The following ADAMTS19 variants were observed in gnomAD, a reference collection of about 807,000 sequenced individuals.
ADAMTS19 encodes A disintegrin and metalloproteinase with thrombospondin motifs 19.
ADAMTS19 carries 93 observed loss-of-function variants against 153.3 expected under a neutral mutation model. The ratio of observed to expected loss-of-function variants is 0.61; its 90% CI spans 0.51 to 0.72. The LOEUF (loss-of-function observed/expected upper bound fraction) is 0.72, where lower values mean the gene tolerates loss of function less well. Among genes scored for constraint, ADAMTS19 ranks in the 30% least tolerant of loss-of-function variants. The probability of loss-of-function intolerance (pLI) is 0.00; values close to 1 mark genes in which losing one functional copy is unlikely to be tolerated. For synonymous variants in ADAMTS19, 600 were observed against 556.6 expected, an observed-to-expected ratio of 1.08 and a Z score of -1.10; for missense variants, 1,482 against 1,552.1, an observed-to-expected ratio of 0.95 and a Z score of 0.76.
intron 7 of ADAMTS19, among the ~76,000 whole-genome samples, chr5:129,564,767 A>G (rs1371030399): frequency 1.3e-5 from 2 of 152,168 alleles, no homozygotes; most frequent in African/African-American, 4.8e-5. Flanking sequence ...TTGGTCCTTC[A>G]AGGAGGTAAT....
intron 18 of ADAMTS19, 37 bp from the exon 19 acceptor site, chr5:129,694,683 T>A: frequency 6.7e-7 from 1 of 1,484,420 alleles, no homozygotes; most frequent in East Asian, 2.5e-5. Flanking sequence ...ACATAAAGGC[T>A]TATAATAATA....
intron 7 of ADAMTS19, among the ~76,000 whole-genome samples, chr5:129,591,355 C>T (rs1191310212): frequency 6.6e-6 from 1 of 150,972 alleles, no homozygotes; most frequent in African/African-American, 2.4e-5. Context: ...TGCAGTGGCA[C>T]AATCTCGGCT....
At chr5:129,662,887 CATT>C (rs1192983497) in intron 15 of ADAMTS19, among the ~76,000 whole-genome samples, 6 of 125,420 alleles carry the variant, frequency 4.8e-5, no homozygotes, top group African/African-American at 1.8e-4. Flanking sequence ...GATTCTTCTT[CATT>C]TTTTTTTTTT....
intron 10 of ADAMTS19, among the ~76,000 whole-genome samples, chr5:129,626,371 C>T (rs17673487): frequency 0.081 from 12,274 of 152,128 alleles, 595 homozygotes; most frequent in Middle Eastern, 0.15. Flanking sequence ...AAACTATTTG[C>T]TCTATTTATA....
At chr5:129,493,880 C>T (rs1750846915) in intron 2 of ADAMTS19, among the ~76,000 whole-genome samples, 1 of 151,738 alleles carries the variant, frequency 6.6e-6, no homozygotes, top group Admixed American at 6.6e-5. Context: ...TTTATGACAA[C>T]CAAGATGGAA....
chr5:129,736,984 G>T, intron 22 of ADAMTS19, 83 bp from the exon 23 acceptor site: 1 of 1,322,326 alleles, frequency 7.6e-7, no homozygotes, highest in South Asian at 2.2e-5. Context: ...TACAAAATCC[G>T]CCCCACTTAA....
chr5:129,603,199 A>G (rs1750744290), intron 8 of ADAMTS19, among the ~76,000 whole-genome samples: 2 of 152,204 alleles, frequency 1.3e-5, no homozygotes, highest in South Asian at 2.1e-4. Context: ...GCCCTGCCAC[A>G]TAACAGATGT....
chr5:129,600,476 T>C (rs1750593981), intron 8 of ADAMTS19, among the ~76,000 whole-genome samples: 1 of 152,200 alleles, frequency 6.6e-6, no homozygotes, highest in South Asian at 2.1e-4. Context: ...TATAATCACA[T>C]ATAAAATGTT....
intron 3 of ADAMTS19, among the ~76,000 whole-genome samples, chr5:129,521,816 C>T (rs1372559853): frequency 6.6e-6 from 1 of 152,054 alleles, no homozygotes; most frequent in Non-Finnish European, 1.5e-5. Flanking sequence ...GGGTGCATAG[C>T]CACACATCTA....
chr5:129,617,531 G>C (rs1456358230), intron 8 of ADAMTS19, among the ~76,000 whole-genome samples: 1 of 151,994 alleles, frequency 6.6e-6, no homozygotes, highest in Non-Finnish European at 1.5e-5. Context: ...AAAAATAATA[G>C]CATTTGTGTA....
chr5:129,694,776 G>A lies in ADAMTS19; in HGVS notation c.2875G>A (p.Val959Met). 3.7e-6 allele frequency: 6 copies of A among 1,610,452 alleles called. No individual in the cohort carries two copies. The highest frequency in any genetic ancestry group is 5.1e-6 in the Non-Finnish European group (6 of 1,178,094). Residue 959 changes from valine to methionine, a missense_variant, in exon 19 of 23, where the codon GTG becomes ATG. By Grantham distance (21) the Val-to-Met change is conservative (BLOSUM62 1). This residue lies in a region of ADAMTS19 where 616 missense variants were observed against 724.4 expected (regional missense o/e 0.85). Coordinates refer to ENST00000274487, the MANE Select transcript of ADAMTS19 (RefSeq NM_133638.6). ...TKIMSKNISI[V>M]DNEKCKYLTK... ...AATCATGAGCAAAAATATCAGCATT[G>A]TGGACAATGAGAAATGCAAATACTT... is the stretch of plus-strand genomic sequence containing the variant.
chr5:129,637,288 T>G (rs1752572501), intron 10 of ADAMTS19, among the ~76,000 whole-genome samples: 1 of 152,200 alleles, frequency 6.6e-6, no homozygotes, highest in African/African-American at 2.4e-5. Flanking sequence ...TTTAAGTTAT[T>G]AATGTGCCGA....
At chr5:129,541,709 T>G (rs1250804422) in intron 6 of ADAMTS19, among the ~76,000 whole-genome samples, 1 of 152,088 alleles carries the variant, frequency 6.6e-6, no homozygotes, top group African/African-American at 2.4e-5. Flanking sequence ...TATTTATCTC[T>G]GTTGTGTCCT....
At chr5:129,511,382 A>T (rs1393618586) in intron 3 of ADAMTS19, among the ~76,000 whole-genome samples, 2 of 151,846 alleles carry the variant, frequency 1.3e-5, no homozygotes, top group Non-Finnish European at 2.9e-5. Flanking sequence ...TTAGAGTCAG[A>T]GGCCTCAGGT....
chr5:129,690,434 C>G (rs1385318512), intron 18 of ADAMTS19, among the ~76,000 whole-genome samples: 1 of 152,110 alleles, frequency 6.6e-6, no homozygotes, highest in Non-Finnish European at 1.5e-5. Context: ...TTTAACTTGA[C>G]AGCTATGTGA....
intron 8 of ADAMTS19, among the ~76,000 whole-genome samples, chr5:129,598,095 T>G: frequency 6.6e-6 from 1 of 152,098 alleles, no homozygotes; most frequent in East Asian, 1.9e-4. Context: ...GTTAAAGACA[T>G]ATTTAGTTTG....
intron 3 of ADAMTS19, among the ~76,000 whole-genome samples, chr5:129,519,123 C>T (rs549065633): frequency 6.6e-5 from 10 of 152,222 alleles, no homozygotes; most frequent in South Asian, 4.1e-4. Context: ...CAAAGGTTCA[C>T]CCAAAGTCCT....
chr5:129,715,984 G>T (rs1235911405), intron 21 of ADAMTS19, among the ~76,000 whole-genome samples: 1 of 152,104 alleles, frequency 6.6e-6, no homozygotes, highest in Non-Finnish European at 1.5e-5. Flanking sequence ...AGCAGCTGCG[G>T]CAGATGGAAC....
intron 10 of ADAMTS19, among the ~76,000 whole-genome samples, chr5:129,624,657 A>C (rs549162829): frequency 6.6e-6 from 1 of 152,296 alleles, no homozygotes; most frequent in East Asian, 1.9e-4. Context: ...GATCAACTAC[A>C]CACGATTCTG....
Sources: allele counts gnomAD v4.1 joint callset (sites outside exome capture counted in the v4.1 genomes callset), GRCh38; gene constraint gnomAD v4.1.1; regional missense constraint gnomAD v4.1.1; transcripts MANE v1.5; gene names NCBI Gene and HGNC (gene_info 2026-07-23, HGNC 2026-07-21).